The following PLIN3 variants were observed in gnomAD, a reference collection of about 807,000 sequenced individuals.
PLIN3 encodes perilipin 3.
Under a neutral mutation model 35.9 loss-of-function variants are expected in PLIN3, and 30 were observed. The observed-to-expected ratio is 0.84, with a 90% CI of 0.62 to 1.13. The LOEUF (loss-of-function observed/expected upper bound fraction) is 1.13. Among genes scored for constraint, PLIN3 ranks in the 50% most tolerant of loss-of-function variants. PLIN3 has a pLI of 0.00. For synonymous variants in PLIN3, 261 were observed against 262.5 expected (o/e 0.99, Z 0.06); for missense variants, 603 against 596.9 (o/e 1.01, Z -0.11).
intron 6 of PLIN3, among the ~76,000 whole-genome samples, chr19:4,846,667 C>A (rs2030107903): frequency 6.6e-6 from 1 of 152,056 alleles, no homozygotes; most frequent in African/African-American, 2.4e-5. Context: ...CCACTACACT[C>A]CCGCCTGGGC....
At chr19:4,855,837 A>G (rs1052254775) in intron 4 of PLIN3, among the ~76,000 whole-genome samples, 2 of 150,896 alleles carry the variant, frequency 1.3e-5, no homozygotes, top group African/African-American at 4.9e-5. Flanking sequence ...AGCTGGGAGG[A>G]TTGCCTAAGT....
intron 2 of PLIN3, among the ~76,000 whole-genome samples, chr19:4,861,048 G>A (rs1464458609): frequency 6.6e-6 from 1 of 152,158 alleles, no homozygotes; most frequent in East Asian, 1.9e-4. Flanking sequence ...ACGTCCCTGA[G>A]AGAGCCTTCA....
At chr19:4,859,443 G>C in intron 4 of PLIN3, 147 bp downstream of exon 4, 1 of 702,968 alleles carries the variant, frequency 1.4e-6, no homozygotes, top group East Asian at 2.6e-5. Flanking sequence ...TACCCTGTGG[G>C]GAGTGGATTC....
intron 7 of PLIN3, among the ~76,000 whole-genome samples, chr19:4,844,207 TA>T (rs1452520581): frequency 6.6e-6 from 1 of 152,074 alleles, no homozygotes; most frequent in Non-Finnish European, 1.5e-5. Flanking sequence ...CTCACGCTTG[TA>T]ATCCCAACAC....
chr19:4,859,036 C>A (rs1023759996), intron 4 of PLIN3, among the ~76,000 whole-genome samples: 1 of 152,070 alleles, frequency 6.6e-6, no homozygotes, highest in Non-Finnish European at 1.5e-5. Flanking sequence ...GACTTTCCTG[C>A]CGCCAACCTT....
Position 4,859,942 on chromosome 19 carries a change from T to C in PLIN3, c.149A>G (p.Lys50Arg), listed in dbSNP as rs2030615748. The change falls in exon 3 of 8, where the codon AAG becomes AGG. Residue 50 changes from lysine (K) to arginine (R), a missense_variant. Physicochemically the swap from Lys to Arg is conservative, Grantham distance 26. Coordinates refer to ENST00000221957, the MANE Select transcript of PLIN3 (RefSeq NM_005817.5). ...AGTCTTGATGTGCGGGTAGCTCTCC[T>C]TGGTGGAGGCATAGGCTGCGGACAC... ...DMVSAAYASTKESYPHIKTVC... is the reference protein window; with the variant it reads ...DMVSAAYASTRESYPHIKTVC... 1 of 1,614,080 alleles carries C rather than the reference T, an allele frequency of 6.2e-7. No individual in the cohort carries two copies. The highest frequency in any genetic ancestry group is 8.5e-7 in the Non-Finnish European group (1 of 1,179,996).
Position 4,839,023 on chromosome 19 carries a change from T to C in PLIN3, c.*169A>G, listed in dbSNP as rs1157916192. The C allele has an allele frequency of 5.7e-6, 3 of 528,420 alleles. No homozygotes were observed. The Admixed American group carries it at 9.4e-5, about 17-fold the overall frequency. 32.7% of individuals were successfully genotyped at this position (528,420 alleles called of 1,614,324 possible). On this transcript the variant is annotated 3_prime_UTR_variant, in exon 8 of 8. Transcript: ENST00000221957. ...TTCCAAGCTCAGAGAGGCTGAGAGA[T>C]GGGTCAACTGGGTGATGCCCGTTTT...
intron 4 of PLIN3, among the ~76,000 whole-genome samples, chr19:4,858,977 C>T (rs1440741164): frequency 2.0e-5 from 3 of 151,962 alleles, no homozygotes; most frequent in Non-Finnish European, 4.4e-5. Flanking sequence ...GCTGGGATTA[C>T]AGGCATGAGC....
At chr19:4,844,239 G>A (rs1447152694) in intron 7 of PLIN3, among the ~76,000 whole-genome samples, 2 of 152,080 alleles carry the variant, frequency 1.3e-5, no homozygotes, top group African/African-American at 4.8e-5. Flanking sequence ...TGGGCAGGGC[G>A]GATCACTTGA....
chr19:4,846,567 C>G (rs1004018334), intron 6 of PLIN3, among the ~76,000 whole-genome samples: 1 of 152,110 alleles, frequency 6.6e-6, no homozygotes. Context: ...GGCATGGTGG[C>G]AAGTGCCTGT....
chr19:4,853,617 G>A (rs1379505370), intron 4 of PLIN3, among the ~76,000 whole-genome samples: 4 of 151,952 alleles, frequency 2.6e-5, no homozygotes, highest in East Asian at 1.9e-4. Flanking sequence ...GAGCCACTGC[G>A]CCCAGCCTTA....
intron 7 of PLIN3, among the ~76,000 whole-genome samples, chr19:4,842,984 G>A (rs2029948759): frequency 6.6e-6 from 1 of 152,106 alleles, no homozygotes; most frequent in Non-Finnish European, 1.5e-5. Context: ...ACTTTGGGAG[G>A]CCGATGTGGG....
intron 4 of PLIN3, among the ~76,000 whole-genome samples, chr19:4,856,957 C>T (rs1294943615): frequency 2.0e-5 from 3 of 152,016 alleles, no homozygotes; most frequent in East Asian, 1.9e-4. Flanking sequence ...CTGCACGCTT[C>T]GGCCTCCCAA....
chr19:4,844,904 A>G lies in PLIN3; in HGVS notation c.835-111T>C. On this transcript the variant is annotated intron_variant, in intron 6 of 7. Transcript: ENST00000221957. ...ATCTGACTTACATGACAGTCTAGAA[A>G]AGAGAAAGGGAGGGAGGGAGGAAGG... The G allele has an allele frequency of 3.9e-6, 5 of 1,282,066 alleles. No homozygotes were observed. In the South Asian group the frequency reaches 7.8e-5, roughly 20 times the overall value. 79.4% of individuals were successfully genotyped at this position (1,282,066 alleles called of 1,614,324 possible).
At chr19:4,849,433 A>G (rs2030212517) in intron 5 of PLIN3, among the ~76,000 whole-genome samples, 1 of 151,388 alleles carries the variant, frequency 6.6e-6, no homozygotes, top group Non-Finnish European at 1.5e-5. Flanking sequence ...TCAGCTCCCA[A>G]ATAGCAACTG....
At position 4,839,249 on chromosome 19, in the gene PLIN3, C is replaced by A. The variant is rs755761097; in HGVS notation, c.1248G>T (p.Trp416Cys). The A allele has an allele frequency of 1.2e-6, 2 of 1,611,694 alleles. No individual in the cohort carries two copies. The highest frequency in any genetic ancestry group is 1.7e-6 in the Non-Finnish European group (2 of 1,178,100). The change falls in exon 8 of 8, where the codon TGG (tryptophan) becomes TGT (cysteine). Residue 416 changes from tryptophan (W) to cysteine (C), a missense_variant. Physicochemically the swap from Trp to Cys is radical, Grantham distance 215. Transcript: ENST00000221957. ...TTCCAGGGGCAAAGGGTCCCACGAG[C>A]CACGTGACAGGTGTGTTCTGGGCCA... is the stretch of plus-strand genomic sequence containing the variant. Reference protein sequence around the residue: ...EYVAQNTPVTWLVGPFAPGIT... With the variant: ...EYVAQNTPVTCLVGPFAPGIT...
chr19:4,862,389 C>T (rs1348982683), intron 1 of PLIN3, among the ~76,000 whole-genome samples: 3 of 152,062 alleles, frequency 2.0e-5, no homozygotes. Context: ...GCCTCGGCCT[C>T]CCAAAGTGCT....
intron 7 of PLIN3, among the ~76,000 whole-genome samples, 182 bp downstream of exon 7, chr19:4,844,486 T>C (rs115973655): frequency 1.3e-3 from 205 of 152,016 alleles, no homozygotes; most frequent in African/African-American, 4.6e-3. Flanking sequence ...ACAGAAGCCA[T>C]ACCTATGCAT....
rs531225623 is a variant in PLIN3, at chr19:4,838,558, G to A, written c.*634C>T. ...CGGTGTAAACAAAGAAGTGGGATAT[G>A]AACTATATCCCTGATTTTTTTTTCT... is the stretch of plus-strand genomic sequence containing the variant. On this transcript the variant is annotated 3_prime_UTR_variant, in exon 8 of 8. Transcript: ENST00000221957. The A allele has an allele frequency of 2.6e-5, 4 of 151,036 alleles. No individual in the cohort carries two copies. The South Asian group carries it at 6.3e-4, about 24-fold the overall frequency. The allele number at this position is 151,036 out of a possible 1,614,324, so 9.4% of individuals were successfully genotyped here. A position where few individuals can be genotyped will look rare whatever the true frequency, so the allele number is the denominator to read the frequency against.
Sources: gnomAD v4.1 joint callset for allele counts (sites outside exome capture counted in the v4.1 genomes callset) on GRCh38, gnomAD v4.1.1 for gene constraint, MANE v1.5 for transcripts, NCBI Gene and HGNC (gene_info 2026-07-23, HGNC 2026-07-21) for gene names.